The following RABGAP1L variants were observed in gnomAD, a reference collection of about 807,000 sequenced individuals.
RABGAP1L encodes the protein rab GTPase-activating protein 1-like.
RABGAP1L carries 63 observed loss-of-function variants against 137.7 expected under a neutral mutation model. The observed-to-expected ratio is 0.46, with a 90% confidence interval of 0.37 to 0.56. The LOEUF is 0.56. RABGAP1L is among the 20% of genes least tolerant of loss of function. RABGAP1L has a pLI of 0.00. For synonymous variants in RABGAP1L, 431 were observed against 433.7 expected (o/e 0.99, Z 0.08); for missense variants, 1,095 against 1,244.0 (o/e 0.88, Z 1.80).
intron 13 of RABGAP1L, among the ~76,000 whole-genome samples, chr1:174,433,502 C>G (rs1013931598): frequency 5.3e-5 from 8 of 152,126 alleles, no homozygotes; most frequent in Admixed American, 5.2e-4. Context: ...TGGAACCTCT[C>G]AAAGTTTTTG....
At chr1:174,895,995 C>T (rs953056749) in intron 19 of RABGAP1L, among the ~76,000 whole-genome samples, 1 of 152,212 alleles carries the variant, frequency 6.6e-6, no homozygotes, top group African/African-American at 2.4e-5. Context: ...ATTTCTAGTT[C>T]TAGATCCTTG....
At chr1:174,283,292 G>T (rs776642707) in intron 10 of RABGAP1L, among the ~76,000 whole-genome samples, 1 of 151,966 alleles carries the variant, frequency 6.6e-6, no homozygotes, top group Non-Finnish European at 1.5e-5. Flanking sequence ...TGTGGTCCCA[G>T]CTTCTCAGGA....
chr1:174,358,191 A>G (rs1281889407), intron 11 of RABGAP1L, among the ~76,000 whole-genome samples: 1 of 152,202 alleles, frequency 6.6e-6, no homozygotes, highest in Non-Finnish European at 1.5e-5. Context: ...CCAGGGAAAC[A>G]TAGCCTTCGG....
In RABGAP1L at chr1:174,202,306, G is replaced by A. The variant is rs1191210009; in HGVS notation, c.-33-16819G>A. ...TTCCTATTTCTCCACATCCTCTCCA[G>A]CACCTGTTGTTTCCTGACTTTTTAA... is the stretch of plus-strand genomic sequence containing the variant. On this transcript the variant is annotated intron_variant, in intron 1 of 25. Transcript: ENST00000681986. Among the ~76,000 whole-genome samples, 19 of 152,198 alleles carry A rather than the reference G, an allele frequency of 1.2e-4. 1 individual carries two copies. The South Asian group carries it at 1.7e-3, about 13-fold the overall frequency.
At chr1:174,904,070 G>A (rs534616109) in intron 19 of RABGAP1L, among the ~76,000 whole-genome samples, 5 of 151,506 alleles carry the variant, frequency 3.3e-5, no homozygotes, top group South Asian at 2.1e-4. Context: ...AATATATAGC[G>A]CCAAGATTTT....
intron 19 of RABGAP1L, among the ~76,000 whole-genome samples, chr1:174,955,011 G>A (rs775102178): frequency 3.9e-5 from 6 of 152,168 alleles, no homozygotes; most frequent in African/African-American, 1.2e-4. Context: ...TAATGTTGTC[G>A]TTTTGTTAAC....
At chr1:174,602,766 A>G (rs1670512355) in intron 13 of RABGAP1L, among the ~76,000 whole-genome samples, 1 of 152,108 alleles carries the variant, frequency 6.6e-6, no homozygotes, top group African/African-American at 2.4e-5. Flanking sequence ...TGAATTTTTC[A>G]GCTCCAGAAT....
chr1:174,237,789 C>T (rs1391302346), intron 4 of RABGAP1L, among the ~76,000 whole-genome samples: 2 of 145,868 alleles, frequency 1.4e-5, no homozygotes, highest in Non-Finnish European at 3.0e-5. Context: ...GTGGCGTTCT[C>T]TGTATTTCCT....
chr1:174,308,343 T>C (rs2148785289), intron 11 of RABGAP1L, among the ~76,000 whole-genome samples: 1 of 152,226 alleles, frequency 6.6e-6, no homozygotes, highest in African/African-American at 2.4e-5. Flanking sequence ...CCTTTCATAC[T>C]GTTGATTGTT....
chr1:174,767,233 A>G (rs1187580808), intron 18 of RABGAP1L, among the ~76,000 whole-genome samples: 1 of 152,186 alleles, frequency 6.6e-6, no homozygotes, highest in South Asian at 2.1e-4. Context: ...TTGGTCATTT[A>G]TATTTGGCTC....
In RABGAP1L at chr1:174,539,236, G is replaced by A. The variant is rs59297292; in HGVS notation, c.1711-98139G>A. On this transcript the variant is annotated intron_variant, in intron 13 of 25. Coordinates refer to ENST00000681986, the MANE Select transcript of RABGAP1L (RefSeq NM_001366446.1). Reference sequence around the variant, plus strand: ...CTTAGTGGTAAAGAACTTAGCATCAGGTAAACCGGGGTTTTATTTTTGATT... The same window carrying A: ...CTTAGTGGTAAAGAACTTAGCATCAAGTAAACCGGGGTTTTATTTTTGATT... Among the ~76,000 whole-genome samples, 807 of 151,908 alleles carry A rather than the reference G, an allele frequency of 5.3e-3. 9 individuals carry two copies. The highest frequency in any genetic ancestry group is 0.018 in the African/African-American group (762 of 41,442).
intron 15 of RABGAP1L, among the ~76,000 whole-genome samples, chr1:174,695,214 C>G (rs1333086459): frequency 6.6e-6 from 1 of 152,114 alleles, no homozygotes; most frequent in African/African-American, 2.4e-5. Flanking sequence ...TCTTCCCCTA[C>G]CTCCTCTTTA....
chr1:174,552,450 T>G (rs1666610860), intron 13 of RABGAP1L, among the ~76,000 whole-genome samples: 1 of 152,120 alleles, frequency 6.6e-6, no homozygotes, highest in Non-Finnish European at 1.5e-5. Flanking sequence ...TGTGTTAGTT[T>G]AGTAAGGATA....
intron 13 of RABGAP1L, among the ~76,000 whole-genome samples, chr1:174,598,745 C>T (rs1670181096): frequency 6.6e-6 from 1 of 151,964 alleles, no homozygotes; most frequent in Non-Finnish European, 1.5e-5. Context: ...TTTTCATTTG[C>T]ATGGAATATC....
intron 7 of RABGAP1L, among the ~76,000 whole-genome samples, chr1:174,253,414 A>G (rs1558073442): frequency 6.6e-6 from 1 of 152,218 alleles, no homozygotes; most frequent in Non-Finnish European, 1.5e-5. Flanking sequence ...AAAGATTTTA[A>G]TACCTATAAT....
At chr1:174,298,234 T>C (rs958117859) in intron 10 of RABGAP1L, among the ~76,000 whole-genome samples, 2 of 151,944 alleles carry the variant, frequency 1.3e-5, no homozygotes, top group African/African-American at 2.4e-5. Context: ...TCTTTCCGTC[T>C]TCTGTCCTTG....
chr1:174,653,971 T>C (rs188703005), intron 14 of RABGAP1L, among the ~76,000 whole-genome samples: 1 of 152,226 alleles, frequency 6.6e-6, no homozygotes, highest in Non-Finnish European at 1.5e-5. Flanking sequence ...AAATGTATTA[T>C]GGGAAATGGT....
chr1:174,224,021 T>C (rs924555301), intron 3 of RABGAP1L, among the ~76,000 whole-genome samples: 3 of 152,098 alleles, frequency 2.0e-5, no homozygotes, highest in Non-Finnish European at 4.4e-5. Flanking sequence ...AAAATAAAAT[T>C]AGGTTCCTTA....
chr1:174,438,942 A>G (rs932171808), intron 13 of RABGAP1L, among the ~76,000 whole-genome samples: 1 of 151,420 alleles, frequency 6.6e-6, no homozygotes, highest in Non-Finnish European at 1.5e-5. Context: ...TGATTTTTAT[A>G]TATTGACCTG....
Sources: allele counts gnomAD v4.1 joint callset (sites outside exome capture counted in the v4.1 genomes callset), GRCh38; gene constraint gnomAD v4.1.1; transcripts MANE v1.5; gene names NCBI Gene and HGNC (gene_info 2026-07-23, HGNC 2026-07-21).